Variants in POU6F2 observed in about 807,000 individuals in gnomAD.
POU6F2 encodes POU domain, class 6, transcription factor 2.
A neutral mutation model predicts 71.3 loss-of-function variants in POU6F2; 31 were observed. The ratio of observed to expected loss-of-function variants is 0.43; its 90% CI spans 0.33 to 0.59. The LOEUF (loss-of-function observed/expected upper bound fraction) is 0.59. Among genes scored for constraint, POU6F2 ranks in the 20% least tolerant of loss-of-function variants. POU6F2 has a pLI of 0.04. For synonymous variants in POU6F2, 347 were observed against 355.7 expected (o/e 0.98, Z 0.27); for missense variants, 783 against 856.8 (o/e 0.91, Z 1.07).
intron 4 of POU6F2, among the ~76,000 whole-genome samples, chr7:39,258,701 TAAA>T (rs5883681): frequency 3.4e-5 from 5 of 145,142 alleles, no homozygotes; most frequent in African/African-American, 1.3e-4. Context: ...TCTAGATGTT[TAAA>T]AAAAAAAAAA....
chr7:39,204,179 C>T, intron 2 of POU6F2, 56 bp from the exon 3 acceptor site: 1 of 1,439,988 alleles, frequency 6.9e-7, no homozygotes, highest in African/African-American at 1.4e-5. Context: ...TGTTATGTGA[C>T]ATCAGTTCCC....
At chr7:39,033,809 A>G (rs1721181679) in intron 1 of POU6F2, among the ~76,000 whole-genome samples, 1 of 152,232 alleles carries the variant, frequency 6.6e-6, no homozygotes, top group Non-Finnish European at 1.5e-5. Context: ...AAATGATTGT[A>G]CTGCAAGGAC....
chr7:39,186,629 C>T (rs988087192), intron 2 of POU6F2, among the ~76,000 whole-genome samples: 2 of 152,156 alleles, frequency 1.3e-5, no homozygotes, highest in African/African-American at 2.4e-5. Context: ...TCTTCCGCAC[C>T]GGAAATATAA....
intron 2 of POU6F2, chr7:39,120,902 G>T (rs1412998722): frequency 6.6e-6 from 1 of 152,084 alleles, no homozygotes; most frequent in Non-Finnish European, 1.5e-5. Context: ...TGGAGAAATT[G>T]GTAAGCCAGC....
chr7:39,342,349 A>G (rs1461057790), intron 5 of POU6F2, among the ~76,000 whole-genome samples: 1 of 152,238 alleles, frequency 6.6e-6, no homozygotes, highest in Non-Finnish European at 1.5e-5. Flanking sequence ...TTAAAAAGAA[A>G]ACTGTTTAAA....
chr7:39,277,439 G>T (rs945718108), intron 4 of POU6F2, among the ~76,000 whole-genome samples: 2 of 151,828 alleles, frequency 1.3e-5, no homozygotes, highest in Non-Finnish European at 1.5e-5. Context: ...AGCATCTATT[G>T]TTCCCATCTT....
chr7:39,350,996 T>C (rs138706490), intron 5 of POU6F2, among the ~76,000 whole-genome samples: 1 of 152,360 alleles, frequency 6.6e-6, no homozygotes, highest in East Asian at 1.9e-4. Context: ...GTTTGTTTGC[T>C]TGTTTGTTTG....
At chr7:39,017,462 C>T (rs35787066) in intron 1 of POU6F2, among the ~76,000 whole-genome samples, 32,324 of 152,008 alleles carry the variant, frequency 0.21, 3,651 homozygotes, top group South Asian at 0.35. Context: ...CTTTGTTTGC[C>T]CATGACCTAT....
At chr7:39,176,348 T>G (rs1292028292) in intron 2 of POU6F2, among the ~76,000 whole-genome samples, 1 of 152,214 alleles carries the variant, frequency 6.6e-6, no homozygotes, top group Non-Finnish European at 1.5e-5. Flanking sequence ...GAAAAATTGC[T>G]CTGTAAGGAA....
chr7:39,110,916 C>G (rs188088778), intron 2 of POU6F2, among the ~76,000 whole-genome samples: 257 of 152,250 alleles, frequency 1.7e-3, no homozygotes, highest in African/African-American at 6.0e-3. Context: ...GATTTTATAA[C>G]ACTATCATTG....
At chr7:38,979,660 A>G (rs1203422084) in intron 1 of POU6F2, among the ~76,000 whole-genome samples, 1 of 152,190 alleles carries the variant, frequency 6.6e-6, no homozygotes, top group Admixed American at 6.5e-5. Flanking sequence ...GGTGTAGGGA[A>G]TGAAATAAAT....
chr7:39,132,058 G>A (rs1054013909), intron 2 of POU6F2, among the ~76,000 whole-genome samples: 1 of 152,064 alleles, frequency 6.6e-6, no homozygotes, highest in African/African-American at 2.4e-5. Context: ...AATTATTATT[G>A]ACTATAGTCA....
chr7:39,405,552 C>G (rs1248517349), intron 5 of POU6F2, among the ~76,000 whole-genome samples: 1 of 151,984 alleles, frequency 6.6e-6, no homozygotes, highest in Non-Finnish European at 1.5e-5. Context: ...AATTGTTGTA[C>G]TTGAGAGAAA....
intron 5 of POU6F2, among the ~76,000 whole-genome samples, chr7:39,349,707 T>C (rs1401183865): frequency 6.6e-6 from 1 of 152,252 alleles, no homozygotes; most frequent in Non-Finnish European, 1.5e-5. Context: ...ACAAGGCTCC[T>C]ATCCTGCTCT....
intron 2 of POU6F2, among the ~76,000 whole-genome samples, chr7:39,088,249 A>G (rs901359029): frequency 6.6e-6 from 1 of 152,204 alleles, no homozygotes; most frequent in African/African-American, 2.4e-5. Context: ...GAAAGAAAGA[A>G]TAGAAAGGAT....
chr7:39,464,796 A>G lies in POU6F2; in HGVS notation c.*110A>G. The G allele has an allele frequency of 7.9e-7, 1 of 1,260,056 alleles. No homozygotes were observed. The highest frequency in any genetic ancestry group is 1.1e-6 in the Non-Finnish European group (1 of 936,864). 78.1% of individuals were successfully genotyped at this position (1,260,056 alleles called of 1,614,324 possible). A position where few individuals can be genotyped will look rare whatever the true frequency, so the allele number is the denominator to read the frequency against. On this transcript the variant is annotated 3_prime_UTR_variant, in exon 10 of 10. Transcript: ENST00000518318. The surrounding 1 kb of genome is among the most constrained non-coding windows in gnomAD (Gnocchi z 4.1). ...TTTAATTTAATTTAAAAATAGCCCC[A>G]GTCGTCATCACCCTTGTAAGTAAAT...
intron 2 of POU6F2, among the ~76,000 whole-genome samples, chr7:39,195,743 A>G (rs1209134366): frequency 6.6e-6 from 1 of 152,166 alleles, no homozygotes; most frequent in Non-Finnish European, 1.5e-5. Flanking sequence ...CCTTGGAGAT[A>G]TTAGAACACA....
intron 5 of POU6F2, among the ~76,000 whole-genome samples, chr7:39,346,459 A>G (rs1583541222): frequency 6.6e-6 from 1 of 152,200 alleles, no homozygotes; most frequent in East Asian, 1.9e-4. Flanking sequence ...TCACTTCTCA[A>G]AGAAAAGAGA....
At chr7:39,305,434 A>G (rs974149596) in intron 4 of POU6F2, among the ~76,000 whole-genome samples, 1 of 152,198 alleles carries the variant, frequency 6.6e-6, no homozygotes, top group Non-Finnish European at 1.5e-5. Flanking sequence ...TATTTTTTTT[A>G]AAAAGTCAGA....
Sources: gnomAD v4.1 joint callset for allele counts (sites outside exome capture counted in the v4.1 genomes callset) on GRCh38, gnomAD v4.1.1 for gene constraint, Gnocchi (gnomAD v3.1) non-coding constraint, MANE v1.5 for transcripts, NCBI Gene and HGNC (gene_info 2026-07-23, HGNC 2026-07-21) for gene names.